The following ICA1L variants were observed in gnomAD, a reference collection of about 807,000 sequenced individuals.
The protein encoded by ICA1L is islet cell autoantigen 1-like protein.
Under a neutral mutation model 61.3 loss-of-function variants are expected in ICA1L, and 50 were observed. The ratio of observed to expected loss-of-function variants is 0.82; its 90% confidence interval spans 0.65 to 1.03. ICA1L has a LOEUF of 1.03. Ranked by LOEUF, ICA1L falls within the 50% of genes least tolerant of loss-of-function variation. ICA1L has a pLI of 0.00. For missense variants in ICA1L, 508 were observed against 556.7 expected (o/e 0.91, Z 0.88); for synonymous variants, 161 against 191.3 (o/e 0.84, Z 1.31).
At chr2:202,785,634 C>T (rs1487515562) in intron 12 of ICA1L, among the ~76,000 whole-genome samples, 5 of 151,980 alleles carry the variant, frequency 3.3e-5, no homozygotes, top group African/African-American at 1.2e-4. Flanking sequence ...ACCATGTTGC[C>T]CAGGCTGGTC....
chr2:202,830,236 T>C (rs1336566778), intron 1 of ICA1L, among the ~76,000 whole-genome samples: 1 of 152,038 alleles, frequency 6.6e-6, no homozygotes, highest in South Asian at 2.1e-4. Context: ...AGTGAAACCC[T>C]GTCTCTACTA....
intron 9 of ICA1L, among the ~76,000 whole-genome samples, chr2:202,803,393 T>C (rs1574338752): frequency 2.1e-5 from 2 of 94,836 alleles, no homozygotes; most frequent in African/African-American, 8.6e-5. Context: ...AGAGCAAGAC[T>C]CGATCTCAAA....
At chr2:202,806,109 A>G (rs746462510) in intron 9 of ICA1L, among the ~76,000 whole-genome samples, 3 of 152,170 alleles carry the variant, frequency 2.0e-5, no homozygotes, top group African/African-American at 4.8e-5. Flanking sequence ...CGAAAGCTCC[A>G]GCCAGCCAGC....
intron 1 of ICA1L, among the ~76,000 whole-genome samples, chr2:202,865,832 G>A (rs1346576438): frequency 6.6e-6 from 1 of 152,070 alleles, no homozygotes; most frequent in East Asian, 1.9e-4. Context: ...TCCCTATGTT[G>A]CCCAGGTTGG....
intron 11 of ICA1L, among the ~76,000 whole-genome samples, chr2:202,786,521 A>G (rs1692587340): frequency 6.6e-6 from 1 of 151,888 alleles, no homozygotes; most frequent in Non-Finnish European, 1.5e-5. Context: ...TGCAGTCCGC[A>G]GTCCGGCCTG....
chr2:202,808,403 G>A (rs1049836209), intron 9 of ICA1L, among the ~76,000 whole-genome samples: 15 of 152,180 alleles, frequency 9.9e-5, no homozygotes, highest in Admixed American at 5.2e-4. Context: ...GAAGGATTTT[G>A]TCTTACAGCT....
chr2:202,794,081 G>GTTTGC, intron 10 of ICA1L, among the ~76,000 whole-genome samples: 1 of 151,750 alleles, frequency 6.6e-6, no homozygotes, highest in East Asian at 1.9e-4. Flanking sequence ...ATGCAAACAT[G>GTTTGC]ATATAGTATC....
chr2:202,811,302 C>T (rs550327019), intron 9 of ICA1L, among the ~76,000 whole-genome samples: 2 of 152,088 alleles, frequency 1.3e-5, no homozygotes, highest in South Asian at 2.1e-4. Flanking sequence ...CGTGAAATAT[C>T]GGGGGTGAAT....
chr2:202,797,138 G>GTGTATATATGTA (rs1003384876), intron 9 of ICA1L, among the ~76,000 whole-genome samples, 174 bp from the exon 10 acceptor site: 1 of 68,528 alleles, frequency 1.5e-5, no homozygotes, highest in Admixed American at 1.6e-4. Context: ...ACATTTGTGT[G>GTGTATATATGTA]TGTGTGTGTG....
In ICA1L at chr2:202,810,309, T is replaced by C. The variant is rs190969393; in HGVS notation, c.910+1437A>G. On this transcript the variant is annotated intron_variant, in intron 9 of 12. Coordinates refer to ENST00000358299, the MANE Select transcript of ICA1L (RefSeq NM_001288622.3). ...CGAACAGAGGGACCGGCTGAAGCCA[T>C]GGCAGAAGAAGATTTCATGGACATT... Among the ~76,000 whole-genome samples the C allele has an allele frequency of 1.8e-4, 27 of 152,366 alleles. 1 individual carries two copies. The East Asian group carries it at 5.2e-3, about 29-fold the overall frequency.
intron 10 of ICA1L, among the ~76,000 whole-genome samples, chr2:202,793,955 C>T (rs901404269): frequency 2.0e-5 from 3 of 146,526 alleles, no homozygotes; most frequent in Non-Finnish European, 4.5e-5. Context: ...CATTGTGCTC[C>T]AGCCGGGGCA....
intron 9 of ICA1L, among the ~76,000 whole-genome samples, 168 bp from the exon 10 acceptor site, chr2:202,797,132 T>TTTTGTGTGTGTG (rs1553532256): frequency 8.1e-5 from 12 of 147,822 alleles, no homozygotes; most frequent in South Asian, 2.2e-4. Flanking sequence ...AAAATCACAT[T>TTTTGTGTGTGTG]TGTGTGTGTG....
chr2:202,838,167 A>T (rs1189421639), intron 1 of ICA1L, among the ~76,000 whole-genome samples: 2 of 152,166 alleles, frequency 1.3e-5, no homozygotes, highest in South Asian at 2.1e-4. Flanking sequence ...TAAGATTTTT[A>T]AAATTTCCTT....
intron 9 of ICA1L, among the ~76,000 whole-genome samples, chr2:202,804,549 T>G (rs1693173226): frequency 6.6e-6 from 1 of 152,136 alleles, no homozygotes. Context: ...AGTAAAAGAC[T>G]ACAGGACAAA....
In ICA1L at chr2:202,786,023, TA is replaced by T; in HGVS notation, c.1244-17del. 1 of 1,470,480 alleles carries T rather than the reference TA, an allele frequency of 6.8e-7. No individual in the cohort carries two copies. Among genetic ancestry groups the T allele is most frequent in the Non-Finnish European group, 9.4e-7 (1 of 1,061,164 alleles). 91.1% of individuals were successfully genotyped at this position (1,470,480 alleles called of 1,614,324 possible). A position where few individuals can be genotyped will look rare whatever the true frequency, so the allele number is the denominator to read the frequency against. On this transcript the variant is annotated splice_polypyrimidine_tract_variant and intron_variant, in intron 11 of 12. Coordinates refer to ENST00000358299, the MANE Select transcript of ICA1L (RefSeq NM_001288622.3). ...GAGACCCAGTCTGGGATAAAAGAAG[TA>T]AAAATTGTCCATTGTTAATCAAATA...
In ICA1L at chr2:202,849,306, G is replaced by T. The variant is rs1275731536; in HGVS notation, c.-7-20290C>A. Among the ~76,000 whole-genome samples the T allele has an allele frequency of 6.6e-6, 1 of 152,164 alleles. No homozygotes were observed. Among genetic ancestry groups the T allele is most frequent in the Non-Finnish European group, 1.5e-5 (1 of 68,024 alleles). On this transcript the variant is annotated intron_variant, in intron 1 of 12. Transcript: ENST00000358299. The surrounding 1 kb of genome is among the most constrained non-coding windows in gnomAD (Gnocchi z 4.5). ...AAACCGTTCACTCCCCTGGAAAGGG[G>T]GCTGAGGCCAGGGAGCCAAGTGGTC...
intron 10 of ICA1L, among the ~76,000 whole-genome samples, 192 bp downstream of exon 10, chr2:202,796,698 C>T (rs1017930373): frequency 2.0e-5 from 3 of 152,274 alleles, no homozygotes; most frequent in East Asian, 1.9e-4. Context: ...TATACGGATA[C>T]GTTCTGATAG....
At position 202,855,383 on chromosome 2, in the gene ICA1L, C is replaced by G. The variant is rs539804320; in HGVS notation, c.-8+16236G>C. ...GGAGCTGGTTTTTTAAAAAGATTAACAAAATAGACTGCTAGCCAGACTAAT... is the reference window on the plus strand; with the variant it reads ...GGAGCTGGTTTTTTAAAAAGATTAAGAAAATAGACTGCTAGCCAGACTAAT... On this transcript the variant is annotated intron_variant, in intron 1 of 12. Coordinates refer to ENST00000358299, the MANE Select transcript of ICA1L (RefSeq NM_001288622.3). 2.0e-4 allele frequency among the ~76,000 whole-genome samples: 30 copies of G among 152,046 alleles called. No homozygotes were observed. In the South Asian group the frequency reaches 6.0e-3, roughly 31 times the overall value.
At position 202,794,466 on chromosome 2, in the gene ICA1L, C is replaced by G. The variant is rs141887873; in HGVS notation, c.985+2424G>C. ...TGTGTCCAAAGCCAGCATCTTAGTT[C>G]AGAAATATTATAGGCATTTCCACTG... On this transcript the variant is annotated intron_variant, in intron 10 of 12. Coordinates refer to ENST00000358299, the MANE Select transcript of ICA1L (RefSeq NM_001288622.3). Among the ~76,000 whole-genome samples the G allele has an allele frequency of 3.1e-4, 47 of 151,886 alleles. 1 individual carries two copies. Among genetic ancestry groups the G allele is most frequent in the Admixed American group, 9.8e-4 (15 of 15,266 alleles).
Sources: allele counts gnomAD v4.1 joint callset (sites outside exome capture counted in the v4.1 genomes callset), GRCh38; gene constraint gnomAD v4.1.1; non-coding constraint Gnocchi (gnomAD v3.1); transcripts MANE v1.5; gene names NCBI Gene and HGNC (gene_info 2026-07-23, HGNC 2026-07-21).